Variants in ARHGEF26 observed in about 807,000 individuals in gnomAD.
ARHGEF26 encodes the protein Rho guanine nucleotide exchange factor (GEF) 26.
Under a neutral mutation model 89.4 loss-of-function variants are expected in ARHGEF26, and 59 were observed. The ratio of observed to expected loss-of-function variants is 0.66; its 90% CI spans 0.54 to 0.82. The LOEUF is 0.82. Ranked by LOEUF, ARHGEF26 falls within the 40% of genes least tolerant of loss-of-function variation. The probability of loss-of-function intolerance (pLI) is 0.00; values close to 1 mark genes in which losing one functional copy is unlikely to be tolerated. For synonymous variants in ARHGEF26, 500 were observed against 428.4 expected (o/e 1.17, Z -2.06); for missense variants, 1,234 against 1,085.6 (o/e 1.14, Z -1.92).
intron 12 of ARHGEF26, among the ~76,000 whole-genome samples, chr3:154,246,256 C>A (rs146117815): frequency 6.6e-6 from 1 of 152,132 alleles, no homozygotes; most frequent in African/African-American, 2.4e-5. Flanking sequence ...CCAAAGGGAA[C>A]AGCAGGTGCA....
At chr3:154,227,026 AT>A (rs1168340094) in intron 11 of ARHGEF26, among the ~76,000 whole-genome samples, 2 of 152,208 alleles carry the variant, frequency 1.3e-5, no homozygotes, top group Non-Finnish European at 2.9e-5. Flanking sequence ...TAGCTTGAAA[AT>A]TCAAACTAAA....
At position 154,254,798 on chromosome 3, in the gene ARHGEF26, T is replaced by G. The variant is rs372579004; in HGVS notation, c.2447T>G (p.Val816Gly). Residue 816 changes from valine to glycine, a missense_variant, in exon 14 of 15, where the codon GTC (valine) becomes GGC (glycine). Val to Gly is a moderately radical substitution (Grantham distance 109, BLOSUM62 -3). Coordinates refer to ENST00000465093, the MANE Select transcript of ARHGEF26 (RefSeq NM_015595.4). ...CTCTCCCTGCAGGTGGCTGACGTCG[T>G]CCTCATCTATCAACGTGTCAGCGAT... ...DELSLQVADV[V>G]LIYQRVSDGW... 24 of 1,613,732 alleles carry G rather than the reference T, an allele frequency of 1.5e-5. No individual in the cohort carries two copies. In the African/African-American group the frequency reaches 2.8e-4, roughly 19 times the overall value.
intron 2 of ARHGEF26, among the ~76,000 whole-genome samples, chr3:154,123,398 G>C (rs995776132): frequency 6.6e-6 from 1 of 152,174 alleles, no homozygotes; most frequent in Non-Finnish European, 1.5e-5. Context: ...ATAGCTGAAA[G>C]GGGGAGGAGC....
intron 6 of ARHGEF26, among the ~76,000 whole-genome samples, chr3:154,171,935 T>A (rs1180103987): frequency 6.6e-6 from 1 of 152,072 alleles, no homozygotes; most frequent in Non-Finnish European, 1.5e-5. Flanking sequence ...AAACCCCGGA[T>A]TATGTGTGCT....
At chr3:154,244,997 T>C (rs1209413786) in intron 12 of ARHGEF26, among the ~76,000 whole-genome samples, 1 of 152,126 alleles carries the variant, frequency 6.6e-6, no homozygotes, top group Non-Finnish European at 1.5e-5. Context: ...TACTAAAATA[T>C]AGAATTTTTT....
chr3:154,208,049 T>A (rs1471885408), intron 9 of ARHGEF26, among the ~76,000 whole-genome samples: 3 of 151,914 alleles, frequency 2.0e-5, no homozygotes, highest in African/African-American at 4.8e-5. Context: ...ATGATAAGAA[T>A]ACATGGACAC....
At chr3:154,186,956 A>G (rs1713600139) in intron 6 of ARHGEF26, among the ~76,000 whole-genome samples, 1 of 116,080 alleles carries the variant, frequency 8.6e-6, no homozygotes, top group African/African-American at 3.3e-5. Context: ...CAGTGGCGTG[A>G]TCTCGGCTCA....
At position 154,240,288 on chromosome 3, in the gene ARHGEF26, C is replaced by G. The variant is rs79470437; in HGVS notation, c.2091-82C>G. Reference sequence around the variant, plus strand: ...CCTTCCTGCCCACTCCTTGCTGTTTCCACCAAAATGTGCCTCGAAAACTGA... The same window carrying G: ...CCTTCCTGCCCACTCCTTGCTGTTTGCACCAAAATGTGCCTCGAAAACTGA... On this transcript the variant is annotated intron_variant, in intron 11 of 14. Transcript: ENST00000465093. 5.3e-3 allele frequency: 5,591 copies of G among 1,047,798 alleles called. 177 individuals carry two copies. The African/African-American group carries it at 0.076, about 14-fold the overall frequency. The allele number at this position is 1,047,798 out of a possible 1,614,324, so 64.9% of individuals were successfully genotyped here.
In ARHGEF26 at chr3:154,226,012, T is replaced by G; in HGVS notation, c.2090+2T>G. 6.2e-7 allele frequency: 1 copy of G among 1,609,376 alleles called. No individual in the cohort carries two copies. The highest frequency in any genetic ancestry group is 8.5e-7 in the Non-Finnish European group (1 of 1,178,078). On this transcript the variant is annotated splice_donor_variant, in intron 11 of 14. Coordinates refer to ENST00000465093, the MANE Select transcript of ARHGEF26 (RefSeq NM_015595.4). LOFTEE classifies it high-confidence loss of function. ...GCTCATTATCACCAAGAAGAAGAGG[T>G]AAGTCTTTATCTGGTGTTGCTGACT...
At chr3:154,227,065 C>T (rs1234439651) in intron 11 of ARHGEF26, among the ~76,000 whole-genome samples, 3 of 152,090 alleles carry the variant, frequency 2.0e-5, no homozygotes, top group African/African-American at 7.2e-5. Context: ...CTTCTTTTTG[C>T]TCCTTTTAAT....
At position 154,254,710 on chromosome 3, in the gene ARHGEF26, T is replaced by TC. The variant is rs1202952802; in HGVS notation, c.2369-10_2369-9insC. On this transcript the variant is annotated splice_polypyrimidine_tract_variant and intron_variant, in intron 13 of 14. Coordinates refer to ENST00000465093, the MANE Select transcript of ARHGEF26 (RefSeq NM_015595.4). ...TACTGGAAACTTAGTATGTCCTCTTTTGGCCTCAGCACTGACCCAGGTGGA... is the reference window on the plus strand; with the variant it reads ...TACTGGAAACTTAGTATGTCCTCTTTCTGGCCTCAGCACTGACCCAGGTGGA... 1 of 1,612,272 alleles carries TC rather than the reference T, an allele frequency of 6.2e-7. No homozygotes were observed. Among genetic ancestry groups the TC allele is most frequent in the Middle Eastern group, 1.7e-4 (1 of 6,052 alleles).
intron 3 of ARHGEF26, among the ~76,000 whole-genome samples, chr3:154,124,777 G>A (rs374422372): frequency 6.6e-6 from 1 of 152,008 alleles, no homozygotes; most frequent in East Asian, 1.9e-4. Flanking sequence ...TTCTGATTTT[G>A]GCATTTAGAT....
At chr3:154,123,891 A>G (rs1208342874) in intron 2 of ARHGEF26, among the ~76,000 whole-genome samples, 2 of 141,032 alleles carry the variant, frequency 1.4e-5, no homozygotes, top group African/African-American at 5.4e-5. Context: ...TTCCTTCCAC[A>G]GAAACAACAC....
chr3:154,220,849 A>G (rs988888788), intron 10 of ARHGEF26, among the ~76,000 whole-genome samples: 1 of 152,192 alleles, frequency 6.6e-6, no homozygotes, highest in Non-Finnish European at 1.5e-5. Context: ...TTCTCTATAG[A>G]GGGAAAAAGA....
chr3:154,140,967 C>CT (rs1389658203), intron 4 of ARHGEF26, among the ~76,000 whole-genome samples: 79 of 80,520 alleles, frequency 9.8e-4, no homozygotes, highest in African/African-American at 2.7e-3. Context: ...AGCTTCCATC[C>CT]TATTTTTTTT....
intron 4 of ARHGEF26, among the ~76,000 whole-genome samples, chr3:154,146,302 T>C (rs1203399959): frequency 2.6e-5 from 4 of 152,318 alleles, no homozygotes; most frequent in East Asian, 1.9e-4. Context: ...CTTGAAAGGC[T>C]CCACCTCCTA....
intron 11 of ARHGEF26, among the ~76,000 whole-genome samples, chr3:154,233,666 G>T (rs540889419): frequency 8.1e-4 from 124 of 152,294 alleles, no homozygotes; most frequent in African/African-American, 2.6e-3. Context: ...GTCACAGAAG[G>T]CATTAGAAGA....
At chr3:154,124,230 A>G (rs927927726) in intron 2 of ARHGEF26, among the ~76,000 whole-genome samples, 180 bp from the exon 3 acceptor site, 1 of 152,180 alleles carries the variant, frequency 6.6e-6, no homozygotes, top group African/African-American at 2.4e-5. Flanking sequence ...AGTGAATTGT[A>G]GTGATCAAAT....
At chr3:154,217,997 T>G (rs1320573604) in intron 10 of ARHGEF26, 39 bp downstream of exon 10, 1 of 1,516,050 alleles carries the variant, frequency 6.6e-7, no homozygotes, top group African/African-American at 1.4e-5. Flanking sequence ...CTTGCCTATG[T>G]TTTTCTCTAA....
Sources: allele counts gnomAD v4.1 joint callset (sites outside exome capture counted in the v4.1 genomes callset), GRCh38; gene constraint gnomAD v4.1.1; transcripts MANE v1.5; gene names NCBI Gene and HGNC (gene_info 2026-07-23, HGNC 2026-07-21).